TMEM98: variants seen among roughly 807,000 people sequenced by gnomAD.
TMEM98 encodes the protein transmembrane protein 98.
A neutral mutation model predicts 25.0 loss-of-function variants in TMEM98; 18 were observed. The ratio of observed to expected loss-of-function variants is 0.72; its 90% CI spans 0.50 to 1.07. The LOEUF (loss-of-function observed/expected upper bound fraction) is 1.07. Among genes scored for constraint, TMEM98 ranks in the 50% least tolerant of loss-of-function variants. TMEM98 has a pLI of 0.00. For missense variants in TMEM98, 241 were observed against 289.0 expected (o/e 0.83, Z 1.20); for synonymous variants, 103 against 112.4 (o/e 0.92, Z 0.53).
intron 3 of TMEM98, among the ~76,000 whole-genome samples, chr17:32,932,948 C>G (rs1299605850): frequency 1.3e-5 from 2 of 152,160 alleles, no homozygotes; most frequent in Non-Finnish European, 2.9e-5. Flanking sequence ...TTTCACTTTT[C>G]TTTTGTTTTA....
At chr17:32,928,698 AAC>A (rs1410933449) in intron 1 of TMEM98, among the ~76,000 whole-genome samples, 1 of 152,092 alleles carries the variant, frequency 6.6e-6, no homozygotes, top group African/African-American at 2.4e-5. Flanking sequence ...CGCTCCGAGA[AAC>A]ACACTCAGCT....
At chr17:32,934,084 G>A (rs1357808325) in intron 4 of TMEM98, among the ~76,000 whole-genome samples, 4 of 152,162 alleles carry the variant, frequency 2.6e-5, no homozygotes. Flanking sequence ...CTGGAAGAGT[G>A]GATTGGGTGC....
chr17:32,935,068 A>G (rs553342449), intron 5 of TMEM98, among the ~76,000 whole-genome samples: 2 of 152,194 alleles, frequency 1.3e-5, no homozygotes, highest in Admixed American at 1.3e-4. Context: ...TTTGACTAGT[A>G]ATTATTCAAG....
Position 32,933,301 on chromosome 17 carries a change from G to A in TMEM98, c.259G>A (p.Ala87Thr). Residue 87 changes from alanine to threonine, a missense_variant, in exon 4 of 8, where the codon GCC becomes ACC. Coordinates refer to ENST00000579849, the MANE Select transcript of TMEM98 (RefSeq NM_015544.3). ...GGAGAATGAAGACTGGATCGAAGAT[G>A]CCTCGTAAGGCCATGGGAACTGTTT... ...ILENEDWIED[A>T]SGLMSHCIAI... is the part of the protein sequence containing the mutation. 1 of 1,614,142 alleles carries A rather than the reference G, an allele frequency of 6.2e-7. No individual in the cohort carries two copies. The highest frequency in any genetic ancestry group is 8.5e-7 in the Non-Finnish European group (1 of 1,179,984).
intron 4 of TMEM98, among the ~76,000 whole-genome samples, 190 bp from the exon 5 acceptor site, chr17:32,934,101 G>A (rs2151112202): frequency 6.6e-6 from 1 of 152,294 alleles, no homozygotes; most frequent in South Asian, 2.1e-4. Flanking sequence ...GTGCAGGGAG[G>A]GGAAGGGAAG....
At chr17:32,930,042 C>A (rs1020265371) in intron 1 of TMEM98, among the ~76,000 whole-genome samples, 3 of 151,794 alleles carry the variant, frequency 2.0e-5, no homozygotes, top group African/African-American at 7.3e-5. Context: ...TGACCGAGAG[C>A]GTTTGGACCC....
chr17:32,937,966 A>G (rs147861843), intron 6 of TMEM98, among the ~76,000 whole-genome samples: 1 of 152,300 alleles, frequency 6.6e-6, no homozygotes, highest in African/African-American at 2.4e-5. Context: ...GTGCCTTCTA[A>G]GAGCCACTTA....
In TMEM98 at chr17:32,941,164, T is replaced by A; in HGVS notation, c.*171T>A. The A allele has an allele frequency of 1.7e-6, 1 of 600,688 alleles. No individual in the cohort carries two copies. The highest frequency in any genetic ancestry group is 2.9e-6 in the Non-Finnish European group (1 of 349,812). 37.2% of individuals were successfully genotyped at this position (600,688 alleles called of 1,614,324 possible). On this transcript the variant is annotated 3_prime_UTR_variant, in exon 8 of 8. Coordinates refer to ENST00000579849, the MANE Select transcript of TMEM98 (RefSeq NM_015544.3). ...CGTCAGTTTATGCCTCTTTTGCAGT[T>A]GCAAACTGTGGCTGGTGAGTGGCAG...
At chr17:32,931,219 CACAA>C (rs947199453) in intron 1 of TMEM98, 104 bp from the exon 2 acceptor site, 166 of 268,420 alleles carry the variant, frequency 6.2e-4, no homozygotes, top group African/African-American at 2.9e-3. Flanking sequence ...AACAAACAAA[CACAA>C]ACAAACAAAC....
At chr17:32,928,918 C>T (rs879748257) in intron 1 of TMEM98, among the ~76,000 whole-genome samples, 1 of 146,536 alleles carries the variant, frequency 6.8e-6, no homozygotes, top group Non-Finnish European at 1.5e-5. Context: ...AAGATAAACA[C>T]TCAGCTCACA....
In TMEM98 at chr17:32,932,966, C is replaced by T. The variant is rs3025293; in HGVS notation, c.132-208C>T. ...CACTTTTCTTTTGTTTTAGTGCTCC[C>T]GGCCTGCCTCCCCAACTCCCTGTCT... On this transcript the variant is annotated intron_variant, in intron 3 of 7. Transcript: ENST00000579849. 0.033 allele frequency among the ~76,000 whole-genome samples: 5,066 copies of T among 152,242 alleles called. 114 individuals carry two copies. The highest frequency in any genetic ancestry group is 0.092 in the East Asian group (479 of 5,180).
In TMEM98 at chr17:32,936,122, G is replaced by A. The variant is rs556755371; in HGVS notation, c.298-210G>A. ...AGCCCACACCCTGCCCTTGATCTGC[G>A]GCTCCCACCCCAGGTCCTCTCCCAG... On this transcript the variant is annotated intron_variant, in intron 5 of 7. Transcript: ENST00000579849. 2.0e-5 allele frequency among the ~76,000 whole-genome samples: 3 copies of A among 152,174 alleles called. No homozygotes were observed. The East Asian group carries it at 5.8e-4, about 29-fold the overall frequency.
chr17:32,933,413 C>T, intron 4 of TMEM98, 108 bp downstream of exon 4: 1 of 1,455,640 alleles, frequency 6.9e-7, no homozygotes. Flanking sequence ...CACTCTGTTA[C>T]TTGCTGCTCT....
intron 6 of TMEM98, among the ~76,000 whole-genome samples, chr17:32,937,367 C>T (rs913190027): frequency 2.6e-5 from 4 of 152,160 alleles, no homozygotes; most frequent in African/African-American, 9.7e-5. Flanking sequence ...GTGAGTTCCT[C>T]TGAGGGAATA....
intron 1 of TMEM98, among the ~76,000 whole-genome samples, chr17:32,928,828 ACACT>A (rs1206671428): frequency 4.8e-5 from 7 of 146,384 alleles, no homozygotes; most frequent in Admixed American, 2.0e-4. Flanking sequence ...CACAAGATAA[ACACT>A]CAGCTCACAC....
chr17:32,930,363 C>T (rs1463902988), intron 1 of TMEM98, among the ~76,000 whole-genome samples: 1 of 148,072 alleles, frequency 6.8e-6, no homozygotes, highest in East Asian at 2.0e-4. Context: ...TTGTGCCTAT[C>T]GATGTGTTCA....
chr17:32,939,519 C>T lies in TMEM98; in HGVS notation c.456C>T (p.Pro152=), dbSNP rs763266957. Residue 152 remains proline (P), a synonymous_variant, in exon 7 of 8, where the codon CCC becomes CCT. Transcript: ENST00000579849. ...VVKSMYPPLD[P]KLLDARTTAL... ...AGTCGATGTACCCTCCGTTGGACCC[C>T]AAACTCCTGGACGCACGGTGAGACC... 1.9e-6 allele frequency: 3 copies of T among 1,614,016 alleles called. No homozygotes were observed. The South Asian group carries it at 3.3e-5, about 18-fold the overall frequency.
chr17:32,931,822 C>G (rs1447245380), intron 3 of TMEM98, among the ~76,000 whole-genome samples, 163 bp downstream of exon 3: 1 of 152,178 alleles, frequency 6.6e-6, no homozygotes, highest in Admixed American at 6.5e-5. Context: ...TAAGAATGTT[C>G]CTTAAGCCTC....
chr17:32,938,355 G>A lies in TMEM98; in HGVS notation c.414-1122G>A, dbSNP rs183502734. ...TAGAGAAAGGAGCTGGCTGAGATAGGCGCGGAGGGTGACTGTGTCTCTGCA... is the reference window on the plus strand; with the variant it reads ...TAGAGAAAGGAGCTGGCTGAGATAGACGCGGAGGGTGACTGTGTCTCTGCA... On this transcript the variant is annotated intron_variant, in intron 6 of 7. Coordinates refer to ENST00000579849, the MANE Select transcript of TMEM98 (RefSeq NM_015544.3). 6.3e-4 allele frequency among the ~76,000 whole-genome samples: 96 copies of A among 152,322 alleles called. 1 individual carries two copies. Among genetic ancestry groups the A allele is most frequent in the Middle Eastern group, 6.8e-3 (2 of 294 alleles).
Sources: gnomAD v4.1 joint callset for allele counts (sites outside exome capture counted in the v4.1 genomes callset) on GRCh38, gnomAD v4.1.1 for gene constraint, MANE v1.5 for transcripts, NCBI Gene and HGNC (gene_info 2026-07-23, HGNC 2026-07-21) for gene names.